GTF2E2: variants seen among roughly 807,000 people sequenced by gnomAD.
GTF2E2 encodes transcription initiation factor IIE subunit beta.
Under a neutral mutation model 40.5 loss-of-function variants are expected in GTF2E2, and 21 were observed. That is an observed-to-expected ratio of 0.52 (90% confidence interval 0.37 to 0.75). GTF2E2 has a LOEUF of 0.75. Among genes scored for constraint, GTF2E2 ranks in the 30% least tolerant of loss-of-function variants. The pLI, the probability that GTF2E2 is intolerant of heterozygous loss-of-function variation, is 0.00. For missense variants in GTF2E2, 298 were observed against 338.4 expected (o/e 0.88, Z 0.94); for synonymous variants, 117 against 121.6 (o/e 0.96, Z 0.25).
At chr8:30,627,683 G>A (rs1057254292) in intron 3 of GTF2E2, among the ~76,000 whole-genome samples, 5 of 152,248 alleles carry the variant, frequency 3.3e-5, no homozygotes, top group Admixed American at 2.6e-4. Flanking sequence ...AGTCTTGAAT[G>A]ATGTTTAAAA....
chr8:30,619,445 A>G (rs62505286), intron 3 of GTF2E2, among the ~76,000 whole-genome samples: 38 of 150,160 alleles, frequency 2.5e-4, no homozygotes, highest in African/African-American at 9.3e-4. Context: ...CTGGAGTGCA[A>G]TGGCATGATC....
At chr8:30,585,917 T>C (rs1175175184) in intron 6 of GTF2E2, among the ~76,000 whole-genome samples, 1 of 150,232 alleles carries the variant, frequency 6.7e-6, no homozygotes, top group Non-Finnish European at 1.5e-5. Context: ...AGACACCATC[T>C]CAAAAATTTA....
At chr8:30,649,730 G>A (rs553039974) in intron 2 of GTF2E2, among the ~76,000 whole-genome samples, 2 of 152,100 alleles carry the variant, frequency 1.3e-5, no homozygotes, top group East Asian at 1.9e-4. Context: ...CTGTAATCCC[G>A]GCTACTCTGG....
At chr8:30,641,863 G>A (rs1033351993) in intron 2 of GTF2E2, among the ~76,000 whole-genome samples, 21 of 152,022 alleles carry the variant, frequency 1.4e-4, no homozygotes, top group African/African-American at 5.1e-4. Context: ...GTGACAGAAC[G>A]AGACTCTGTC....
chr8:30,619,668 T>A (rs753566478), intron 3 of GTF2E2, among the ~76,000 whole-genome samples: 2 of 152,054 alleles, frequency 1.3e-5, no homozygotes, highest in African/African-American at 4.8e-5. Flanking sequence ...ATTACAGGTG[T>A]GAGCCACTGC....
chr8:30,598,554 T>C (rs1829080162), intron 6 of GTF2E2, among the ~76,000 whole-genome samples: 2 of 152,258 alleles, frequency 1.3e-5, no homozygotes, highest in Non-Finnish European at 1.5e-5. Flanking sequence ...AAAACATTTA[T>C]ACTTAATCCC....
intron 3 of GTF2E2, among the ~76,000 whole-genome samples, chr8:30,618,271 C>CAACAGAGA (rs1800983367): frequency 7.1e-5 from 1 of 14,074 alleles, no homozygotes; most frequent in Non-Finnish European, 1.3e-4. Flanking sequence ...CACTCCAGCG[C>CAACAGAGA]AACACTCTGT....
At chr8:30,581,655 C>A (rs1376559605) in intron 6 of GTF2E2, among the ~76,000 whole-genome samples, 1 of 152,180 alleles carries the variant, frequency 6.6e-6, no homozygotes, top group African/African-American at 2.4e-5. Context: ...TCCATAGATA[C>A]ATTAGGGGTT....
At chr8:30,646,123 T>C (rs1802063583) in intron 2 of GTF2E2, 1 of 152,218 alleles carries the variant, frequency 6.6e-6, no homozygotes, top group Non-Finnish European at 1.5e-5. Context: ...GTAGGATTAG[T>C]ATGAAAAAGT....
intron 3 of GTF2E2, among the ~76,000 whole-genome samples, chr8:30,616,493 G>C (rs1800921393): frequency 1.8e-5 from 1 of 54,390 alleles, no homozygotes; most frequent in African/African-American, 1.5e-4. Flanking sequence ...GGCTGCCAAG[G>C]GTTGAGGGGA....
At chr8:30,645,370 G>C (rs1282926303) in intron 2 of GTF2E2, 3 of 1,535,530 alleles carry the variant, frequency 2.0e-6, no homozygotes, top group East Asian at 4.9e-5. Context: ...TGGTTTTCAA[G>C]TTCAAAAAAT....
chr8:30,653,797 C>G (rs1271887573), intron 1 of GTF2E2, among the ~76,000 whole-genome samples, 195 bp from the exon 2 acceptor site: 1 of 152,062 alleles, frequency 6.6e-6, no homozygotes, highest in Non-Finnish European at 1.5e-5. Context: ...AAGCACTGTA[C>G]TAGCCATTAT....
At chr8:30,597,924 T>C (rs1829058683) in intron 6 of GTF2E2, among the ~76,000 whole-genome samples, 1 of 152,240 alleles carries the variant, frequency 6.6e-6, no homozygotes, top group African/African-American at 2.4e-5. Context: ...CATGCAAAAT[T>C]ACTGTTTTAA....
intron 6 of GTF2E2, among the ~76,000 whole-genome samples, chr8:30,601,952 A>G (rs1829192024): frequency 6.6e-6 from 1 of 152,100 alleles, no homozygotes; most frequent in Admixed American, 6.5e-5. Flanking sequence ...AGAAAGATAT[A>G]CAACTGTTTC....
intron 6 of GTF2E2, among the ~76,000 whole-genome samples, chr8:30,589,311 C>T (rs1456366611): frequency 6.6e-6 from 1 of 152,214 alleles, no homozygotes; most frequent in Non-Finnish European, 1.5e-5. Context: ...AATCCCAGTA[C>T]TTTGGGAGGC....
chr8:30,631,245 A>C (rs867987915), intron 3 of GTF2E2, among the ~76,000 whole-genome samples: 2 of 152,108 alleles, frequency 1.3e-5, no homozygotes, highest in African/African-American at 4.8e-5. Context: ...GGCTGGTCTC[A>C]AACTCAAGTG....
intron 5 of GTF2E2, among the ~76,000 whole-genome samples, chr8:30,610,313 G>A (rs1284876820): frequency 6.6e-6 from 1 of 151,964 alleles, no homozygotes; most frequent in Non-Finnish European, 1.5e-5. Flanking sequence ...GGGTGTGGTG[G>A]TGTGTGCCTA....
chr8:30,623,457 T>G (rs1801173687), intron 3 of GTF2E2, among the ~76,000 whole-genome samples: 1 of 151,556 alleles, frequency 6.6e-6, no homozygotes, highest in South Asian at 2.1e-4. Context: ...GTTGGACATT[T>G]GAGTGCTGCA....
intron 2 of GTF2E2, among the ~76,000 whole-genome samples, chr8:30,647,894 T>C (rs1009849582): frequency 2.0e-5 from 3 of 152,134 alleles, no homozygotes; most frequent in African/African-American, 7.2e-5. Context: ...ATCCAACAAA[T>C]ATTTACTGAG....
Sources: gnomAD v4.1 joint callset for allele counts (sites outside exome capture counted in the v4.1 genomes callset) on GRCh38, gnomAD v4.1.1 for gene constraint, MANE v1.5 for transcripts, NCBI Gene and HGNC (gene_info 2026-07-23, HGNC 2026-07-21) for gene names.